Variants in CSMD1 observed in about 807,000 individuals in gnomAD.
The protein encoded by CSMD1 is CUB and Sushi multiple domains 1, also known as CUB and sushi domain-containing protein 1.
In CSMD1, 213 loss-of-function variants were observed where a neutral mutation model predicts 417.5. The observed-to-expected ratio is 0.51, with a 90% confidence interval of 0.46 to 0.57. CSMD1 has a LOEUF of 0.57. Ranked by LOEUF, CSMD1 falls within the 20% of genes least tolerant of loss-of-function variation. The pLI is 0.00. For synonymous variants in CSMD1, 2,862 were observed against 1,736.8 expected (o/e 1.65, Z -16.11); for missense variants, 6,923 against 4,529.7 (o/e 1.53, Z -15.17).
At chr8:4,479,861 G>C (rs978909128) in intron 2 of CSMD1, among the ~76,000 whole-genome samples, 6 of 151,858 alleles carry the variant, frequency 4.0e-5, no homozygotes, top group Non-Finnish European at 7.4e-5. Flanking sequence ...AGCTACTCGG[G>C]AGGCTGAGGC....
rs149181364 is a variant in CSMD1 at position 4,469,905 on chromosome 8, T to C, written c.303-49840A>G. 7.7e-3 allele frequency among the ~76,000 whole-genome samples: 1,170 copies of C among 151,788 alleles called. 12 individuals are homozygous for C. Among genetic ancestry groups the C allele is most frequent in the African/African-American group, 0.027 (1,111 of 41,374 alleles). ...TTATTTGAGACGGAGTGTCGCTCTGTCGCCCTGGCTGGAGTGCAGTGGTGT... is the reference window on the plus strand; with the variant it reads ...TTATTTGAGACGGAGTGTCGCTCTGCCGCCCTGGCTGGAGTGCAGTGGTGT... On this transcript the variant is annotated intron_variant, in intron 2 of 69. Coordinates refer to ENST00000635120, the MANE Select transcript of CSMD1 (RefSeq NM_033225.6).
chr8:3,095,183 A>C (rs563535247), intron 47 of CSMD1, among the ~76,000 whole-genome samples: 7 of 152,182 alleles, frequency 4.6e-5, no homozygotes, highest in African/African-American at 1.4e-4. Flanking sequence ...GCATAAGTTC[A>C]AAATAATTAA....
intron 3 of CSMD1, among the ~76,000 whole-genome samples, chr8:4,092,643 T>G (rs763787539): frequency 1.1e-4 from 17 of 152,228 alleles, no homozygotes; most frequent in Non-Finnish European, 1.9e-4. Context: ...AAGAATGTAT[T>G]AAATCATTTC....
intron 3 of CSMD1, among the ~76,000 whole-genome samples, chr8:4,033,024 A>G (rs1020562822): frequency 1.1e-4 from 16 of 151,404 alleles, no homozygotes; most frequent in Non-Finnish European, 2.1e-4. Context: ...TGTATGCATG[A>G]TAAAAACATT....
chr8:3,250,793 T>A (rs1234205471), intron 26 of CSMD1, among the ~76,000 whole-genome samples: 4 of 152,230 alleles, frequency 2.6e-5, no homozygotes, highest in Non-Finnish European at 2.9e-5. Flanking sequence ...TGGTTTTGAT[T>A]TGCATTTCTC....
intron 1 of CSMD1, among the ~76,000 whole-genome samples, chr8:4,670,223 T>C (rs1431745531): frequency 1.3e-5 from 2 of 152,216 alleles, no homozygotes; most frequent in Non-Finnish European, 2.9e-5. Context: ...TCTCTCATGT[T>C]CTTTGTGTGG....
At chr8:3,797,059 T>C (rs1190875288) in intron 5 of CSMD1, among the ~76,000 whole-genome samples, 1 of 151,924 alleles carries the variant, frequency 6.6e-6, no homozygotes, top group Non-Finnish European at 1.5e-5. Flanking sequence ...GGTAGGGCAA[T>C]GTATCACTTA....
chr8:3,426,604 T>C (rs1304697661), intron 12 of CSMD1, among the ~76,000 whole-genome samples: 5 of 152,216 alleles, frequency 3.3e-5, no homozygotes, highest in African/African-American at 1.2e-4. Context: ...ATTTATGTTT[T>C]TATTTCTTGA....
chr8:3,780,375 G>A (rs192834781), intron 5 of CSMD1, among the ~76,000 whole-genome samples: 2 of 152,248 alleles, frequency 1.3e-5, no homozygotes, highest in East Asian at 1.9e-4. Flanking sequence ...ATCAAGAGGC[G>A]GCCTGGTCCT....
chr8:3,473,139 G>GA (rs1563072276), intron 11 of CSMD1, among the ~76,000 whole-genome samples: 1 of 152,108 alleles, frequency 6.6e-6, no homozygotes, highest in African/African-American at 2.4e-5. Flanking sequence ...AACTACTTTA[G>GA]ACATACCTCT....
chr8:4,795,252 C>CTTTTTT (rs571984359), intron 1 of CSMD1, among the ~76,000 whole-genome samples: 1 of 46,252 alleles, frequency 2.2e-5, no homozygotes, highest in Non-Finnish European at 4.2e-5. Flanking sequence ...GGTGTCATAG[C>CTTTTTT]TTTTTTTTTT....
chr8:3,570,327 C>T (rs11785740), intron 10 of CSMD1, among the ~76,000 whole-genome samples: 38,858 of 152,182 alleles, frequency 0.26, 6,221 homozygotes, highest in Non-Finnish European at 0.35. Flanking sequence ...CACTAACCGT[C>T]GGCTCCTCTT....
At chr8:4,292,242 T>TTG (rs1797410701) in intron 3 of CSMD1, among the ~76,000 whole-genome samples, 2 of 152,070 alleles carry the variant, frequency 1.3e-5, no homozygotes, top group Admixed American at 6.5e-5. Flanking sequence ...TTTGTTGTCG[T>TTG]CGTTGTTGTT....
intron 1 of CSMD1, among the ~76,000 whole-genome samples, chr8:4,954,738 G>C (rs369047038): frequency 1.3e-5 from 2 of 152,112 alleles, no homozygotes; most frequent in African/African-American, 2.4e-5. Context: ...AGAGACTGGA[G>C]GATAAGAGCA....
chr8:4,441,244 C>G (rs1030672973), intron 2 of CSMD1, among the ~76,000 whole-genome samples: 1 of 143,094 alleles, frequency 7.0e-6, no homozygotes, highest in Non-Finnish European at 1.5e-5. Flanking sequence ...AACTACAGGC[C>G]TGAGCACTAC....
rs546173093 is a variant in CSMD1 at position 4,146,388 on chromosome 8, G to A, written c.416-114289C>T. 2.0e-5 allele frequency among the ~76,000 whole-genome samples: 3 copies of A among 150,340 alleles called. No homozygotes were observed. In the South Asian group the frequency reaches 6.2e-4, roughly 31 times the overall value. On this transcript the variant is annotated intron_variant, in intron 3 of 69. Transcript: ENST00000635120. ...CATCGACTTGCAGAGCTGGCAATTC[G>A]GGGTTGATAATGTGGCACAGCAGAC...
intron 5 of CSMD1, among the ~76,000 whole-genome samples, chr8:3,776,805 G>GAC (rs1411200186): frequency 2.1e-5 from 2 of 96,674 alleles, no homozygotes; most frequent in African/African-American, 9.9e-5. Context: ...ACATATAGAC[G>GAC]AGATATATAT....
chr8:3,131,584 G>A (rs889447291), intron 41 of CSMD1, among the ~76,000 whole-genome samples: 9 of 150,460 alleles, frequency 6.0e-5, no homozygotes, highest in African/African-American at 2.2e-4. Context: ...CAATTCTCCT[G>A]CCTCAGTCTC....
At chr8:3,251,533 A>G (rs1349957956) in intron 26 of CSMD1, among the ~76,000 whole-genome samples, 1 of 152,090 alleles carries the variant, frequency 6.6e-6, no homozygotes, top group Non-Finnish European at 1.5e-5. Context: ...CTTAGGATTG[A>G]CTTGGCGATG....
Sources: allele counts gnomAD v4.1 joint callset (sites outside exome capture counted in the v4.1 genomes callset), GRCh38; gene constraint gnomAD v4.1.1; transcripts MANE v1.5; gene names NCBI Gene and HGNC (gene_info 2026-07-23, HGNC 2026-07-21).